CALML4: variants seen among roughly 807,000 people sequenced by gnomAD.
CALML4 encodes the protein calmodulin like 4.
A neutral mutation model predicts 17.9 loss-of-function variants in CALML4; 16 were observed. The observed-to-expected ratio is 0.89, with a 90% CI of 0.61 to 1.36. CALML4 has a LOEUF of 1.36. Among genes scored for constraint, CALML4 ranks in the 40% most tolerant of loss-of-function variants. The pLI, the probability that CALML4 is intolerant of heterozygous loss-of-function variation, is 0.00. For synonymous variants in CALML4, 86 were observed against 71.5 expected (o/e 1.20, Z -1.02); for missense variants, 203 against 194.8 (o/e 1.04, Z -0.25).
intron 4 of CALML4, among the ~76,000 whole-genome samples, chr15:68,194,897 G>GACTT (rs2093136823): frequency 1.3e-5 from 2 of 149,308 alleles, no homozygotes; most frequent in African/African-American, 2.5e-5. Flanking sequence ...CCCAAGAGAG[G>GACTT]ACTTAGTGAC....
At position 68,193,233 on chromosome 15, in the gene CALML4, T is replaced by C. The variant is rs2093128455; in HGVS notation, c.*782A>G. 1 of 152,336 alleles carries C rather than the reference T, an allele frequency of 6.6e-6. No individual in the cohort carries two copies. Among genetic ancestry groups the C allele is most frequent in the Non-Finnish European group, 1.5e-5 (1 of 68,146 alleles). 9.4% of individuals were successfully genotyped at this position (152,336 alleles called of 1,614,324 possible). ...ATTCTCACAGCATTGGAAGCCCCCT[T>C]CTTGAGCTCTGCAAGGCCAGTCAAT... On this transcript the variant is annotated 3_prime_UTR_variant, in exon 5 of 5. Coordinates refer to ENST00000467889, the MANE Select transcript of CALML4 (RefSeq NM_033429.3).
In CALML4 at chr15:68,200,743, C is replaced by G. The variant is rs1453650009; in HGVS notation, c.35-1062G>C. 1.3e-5 allele frequency among the ~76,000 whole-genome samples: 2 copies of G among 152,180 alleles called. No homozygotes were observed. Among genetic ancestry groups the G allele is most frequent in the African/African-American group, 4.8e-5 (2 of 41,458 alleles). ...TTCTCTCTCCTGCTTCTCACACCAC[C>G]CAGGTAGGTCCTTAGAGGCCTGGAC... is the stretch of plus-strand genomic sequence containing the variant. On this transcript the variant is annotated intron_variant, in intron 2 of 4. Transcript: ENST00000467889. The surrounding 1 kb of genome is among the most constrained non-coding windows in gnomAD (Gnocchi z 4.3).
Position 68,194,128 on chromosome 15 carries a change from T to TTTAA in CALML4, c.365-20_365-17dup, listed in dbSNP as rs755358683. The TTTAA allele has an allele frequency of 8.7e-6, 14 of 1,603,550 alleles. No homozygotes were observed. The highest frequency in any genetic ancestry group is 1.1e-5 in the Non-Finnish European group (13 of 1,170,658). On this transcript the variant is annotated splice_polypyrimidine_tract_variant and intron_variant, in intron 4 of 4. Transcript: ENST00000467889. ...AGATCATCCACTGCAATAAATCACA[T>TTTAA]TTAATTTTTCAGTTTGGCTTTAGTG...
chr15:68,193,976 A>C lies in CALML4; in HGVS notation c.*39T>G. 1.4e-6 allele frequency: 2 copies of C among 1,478,912 alleles called. No individual in the cohort carries two copies. Among genetic ancestry groups the C allele is most frequent in the Non-Finnish European group, 9.4e-7 (1 of 1,066,668 alleles). 91.6% of individuals were successfully genotyped at this position (1,478,912 alleles called of 1,614,324 possible). The stretch of plus-strand genomic sequence containing the variant: ...TTTTTAAAAAAAATTAATTGCTCCA[A>C]GTTTTCAGGCCCAGGGGAGGCTCTC... On this transcript the variant is annotated 3_prime_UTR_variant, in exon 5 of 5. Coordinates refer to ENST00000467889, the MANE Select transcript of CALML4 (RefSeq NM_033429.3).
chr15:68,201,835 G>T (rs1416446195), intron 2 of CALML4, among the ~76,000 whole-genome samples: 2 of 152,202 alleles, frequency 1.3e-5, no homozygotes, highest in African/African-American at 4.8e-5. Flanking sequence ...AGACCCAGCT[G>T]GGCTTCCTGC....
At chr15:68,199,735 C>A in intron 2 of CALML4, 54 bp from the exon 3 acceptor site, 2 of 1,561,698 alleles carry the variant, frequency 1.3e-6, no homozygotes, top group Non-Finnish European at 1.7e-6. Flanking sequence ...TCCGCCCATG[C>A]CGCCCTCCCC....
Position 68,197,647 on chromosome 15 carries a change from C to T in CALML4, c.176-19G>A. 6.2e-7 allele frequency: 1 copy of T among 1,611,400 alleles called. No homozygotes were observed. The highest frequency in any genetic ancestry group is 8.5e-7 in the Non-Finnish European group (1 of 1,178,412). On this transcript the variant is annotated intron_variant, in intron 3 of 4. Coordinates refer to ENST00000467889, the MANE Select transcript of CALML4 (RefSeq NM_033429.3). The surrounding 1 kb of genome is among the most constrained non-coding windows in gnomAD (Gnocchi z 4.1). ...TTTCCGTCTAGGAAACCCGCAAACA[C>T]AGCAGAGTGAGCAGAGGGAAAAAGA...
intron 2 of CALML4, 163 bp from the exon 3 acceptor site, chr15:68,199,844 A>G: frequency 1.6e-6 from 1 of 638,848 alleles, no homozygotes; most frequent in Non-Finnish European, 2.5e-6. Flanking sequence ...ATGAAAATAC[A>G]GGACTGCCAA....
chr15:68,199,435 C>G (rs1202492079), intron 3 of CALML4, 106 bp downstream of exon 3: 4 of 1,284,418 alleles, frequency 3.1e-6, no homozygotes, highest in Non-Finnish European at 3.2e-6. Flanking sequence ...CCCCAGGAGG[C>G]CTCCCTGCCA....
Position 68,205,028 on chromosome 15 carries a change from C to T in CALML4, c.34+93G>A, listed in dbSNP as rs2093177430. 4 of 1,488,738 alleles carry T rather than the reference C, an allele frequency of 2.7e-6. No homozygotes were observed. The highest frequency in any genetic ancestry group is 1.4e-5 in the African/African-American group (1 of 72,188). The allele number at this position is 1,488,738 out of a possible 1,614,324, so 92.2% of individuals were successfully genotyped here. A position where few individuals can be genotyped will look rare whatever the true frequency, so the allele number is the denominator to read the frequency against. On this transcript the variant is annotated intron_variant, in intron 2 of 4. Transcript: ENST00000467889. The surrounding 1 kb of genome is among the most constrained non-coding windows in gnomAD (Gnocchi z 4.8). The stretch of plus-strand genomic sequence containing the variant: ...GTGGGCCCAGCTCTCCCACAGCCAC[C>T]TTCCTTCCCACCAAGAAAACATGAG...
At position 68,193,806 on chromosome 15, in the gene CALML4, T is replaced by TAAAATCAATACAAATCTTTTATTA. The variant is rs140711847; in HGVS notation, c.*185_*208dup. ...AAAGGGCCGGACTCACGGTAGTTAA[T>TAAAATCAATACAAATCTTTTATTA]AAAATCAATACAAATCTTTTATTAA... is the stretch of plus-strand genomic sequence containing the variant. On this transcript the variant is annotated 3_prime_UTR_variant, in exon 5 of 5. Coordinates refer to ENST00000467889, the MANE Select transcript of CALML4 (RefSeq NM_033429.3). 0.019 allele frequency: 9,967 copies of TAAAATCAATACAAATCTTTTATTA among 519,694 alleles called. 153 individuals carry two copies. The highest frequency in any genetic ancestry group is 0.026 in the Non-Finnish European group (7,682 of 291,246). The allele number at this position is 519,694 out of a possible 1,614,324, so 32.2% of individuals were successfully genotyped here.
chr15:68,202,639 C>A (rs1281861986), intron 2 of CALML4, among the ~76,000 whole-genome samples: 2 of 137,948 alleles, frequency 1.4e-5, no homozygotes, highest in Non-Finnish European at 3.0e-5. Flanking sequence ...ATGAGTTTTG[C>A]CAACTTTTTT....
upstream of CALML4, chr15:68,205,389 C>G (rs371209739): frequency 2.5e-6 from 4 of 1,613,254 alleles, no homozygotes; most frequent in East Asian, 2.2e-5. The surrounding 1 kb of genome is among the most constrained non-coding windows in gnomAD (Gnocchi z 4.8). Flanking sequence ...AGACTGGGCC[C>G]GACGCCACCA....
intron 4 of CALML4, among the ~76,000 whole-genome samples, chr15:68,196,911 G>A (rs944491423): frequency 1.3e-5 from 2 of 152,228 alleles, no homozygotes; most frequent in South Asian, 4.1e-4. Flanking sequence ...GAAGAGCTTA[G>A]AGCAGCCTGA....
In CALML4 at chr15:68,204,997, C is replaced by G. The variant is rs1273596408; in HGVS notation, c.34+124G>C. ...ACAGCAGCCTCCCCGCAGCTCTTGG[C>G]CCTGGGTGGGCCCAGCTCTCCCACA... On this transcript the variant is annotated intron_variant, in intron 2 of 4. Coordinates refer to ENST00000467889, the MANE Select transcript of CALML4 (RefSeq NM_033429.3). The surrounding 1 kb of genome is among the most constrained non-coding windows in gnomAD (Gnocchi z 6.0). 5.2e-6 allele frequency: 6 copies of G among 1,160,370 alleles called. No homozygotes were observed. The Admixed American group carries it at 1.2e-4, about 23-fold the overall frequency. The allele number at this position is 1,160,370 out of a possible 1,614,324, so 71.9% of individuals were successfully genotyped here.
chr15:68,199,467 C>T, intron 3 of CALML4, 74 bp downstream of exon 3: 1 of 1,470,822 alleles, frequency 6.8e-7, no homozygotes, highest in Non-Finnish European at 9.1e-7. Flanking sequence ...AACTGCTGAG[C>T]TTTTCACACC....
chr15:68,191,150 C>T lies in CALML4; in HGVS notation c.*2865G>A, dbSNP rs771983818. The stretch of plus-strand genomic sequence containing the variant: ...GATTTCAGAAAGAGAGGGAAAATAG[C>T]TGGTGGTCCCAGAGTGTGCTGCTGT... On this transcript the variant is annotated 3_prime_UTR_variant, in exon 5 of 5. Transcript: ENST00000467889. 1.3e-5 allele frequency: 2 copies of T among 152,546 alleles called. No homozygotes were observed. Among genetic ancestry groups the T allele is most frequent in the African/African-American group, 2.4e-5 (1 of 41,414 alleles). The allele number at this position is 152,546 out of a possible 1,614,324, so 9.4% of individuals were successfully genotyped here. A position where few individuals can be genotyped will look rare whatever the true frequency, so the allele number is the denominator to read the frequency against.
chr15:68,197,935 C>G lies in CALML4; in HGVS notation c.176-307G>C, dbSNP rs1274351742. On this transcript the variant is annotated intron_variant, in intron 3 of 4. Transcript: ENST00000467889. The surrounding 1 kb of genome is among the most constrained non-coding windows in gnomAD (Gnocchi z 4.1). ...ACTGGGCTCCTCTGCTCCCTTCTAG[C>G]GCTTCCCTCCTGCCCTGAACTGGAG... 1 of 319,876 alleles carries G rather than the reference C, an allele frequency of 3.1e-6. No homozygotes were observed. Among genetic ancestry groups the G allele is most frequent in the Non-Finnish European group, 5.9e-6 (1 of 170,654 alleles). 19.8% of individuals were successfully genotyped at this position (319,876 alleles called of 1,614,324 possible).
At position 68,192,768 on chromosome 15, in the gene CALML4, A is replaced by T. The variant is rs1202951320; in HGVS notation, c.*1247T>A. ...GATTTGGTTTTCTTCTACTTTAGCCACTGTGGTACTACTAGACAAAGCCAC... is the reference window on the plus strand; with the variant it reads ...GATTTGGTTTTCTTCTACTTTAGCCTCTGTGGTACTACTAGACAAAGCCAC... On this transcript the variant is annotated 3_prime_UTR_variant, in exon 5 of 5. Coordinates refer to ENST00000467889, the MANE Select transcript of CALML4 (RefSeq NM_033429.3). The T allele has an allele frequency of 2.0e-5, 3 of 152,208 alleles. No individual in the cohort carries two copies. Among genetic ancestry groups the T allele is most frequent in the African/African-American group, 7.2e-5 (3 of 41,434 alleles). The allele number at this position is 152,208 out of a possible 1,614,324, so 9.4% of individuals were successfully genotyped here. A position where few individuals can be genotyped will look rare whatever the true frequency, so the allele number is the denominator to read the frequency against.
Sources: allele counts gnomAD v4.1 joint callset (sites outside exome capture counted in the v4.1 genomes callset), GRCh38; gene constraint gnomAD v4.1.1; non-coding constraint Gnocchi (gnomAD v3.1); transcripts MANE v1.5; gene names NCBI Gene and HGNC (gene_info 2026-07-23, HGNC 2026-07-21).